The following PHF21B variants were observed in gnomAD, a reference collection of about 807,000 sequenced individuals.
The protein encoded by PHF21B is PHD finger protein 21B.
Under a neutral mutation model 62.2 loss-of-function variants are expected in PHF21B, and 22 were observed. The observed-to-expected ratio is 0.35, with a 90% CI of 0.25 to 0.51. PHF21B has a LOEUF of 0.51. PHF21B is among the 20% of genes least tolerant of loss of function. The pLI, the probability that PHF21B is intolerant of heterozygous loss-of-function variation, is 0.97. For missense variants in PHF21B, 701 were observed against 707.9 expected (o/e 0.99, Z 0.11); for synonymous variants, 341 against 314.7 (o/e 1.08, Z -0.88).
intron 2 of PHF21B, among the ~76,000 whole-genome samples, chr22:44,944,434 C>G (rs1390953632): frequency 6.6e-6 from 1 of 152,162 alleles, no homozygotes; most frequent in Non-Finnish European, 1.5e-5. Context: ...TCTGAAGCAC[C>G]CTCTGGATTC....
chr22:44,947,878 G>A (rs1040939150), intron 2 of PHF21B, among the ~76,000 whole-genome samples: 6 of 151,506 alleles, frequency 4.0e-5, no homozygotes, highest in Non-Finnish European at 8.8e-5. Context: ...AGCGATGTGC[G>A]CAGGTCTTAA....
chr22:44,992,430 T>C (rs948960630), intron 2 of PHF21B, among the ~76,000 whole-genome samples: 1 of 152,230 alleles, frequency 6.6e-6, no homozygotes, highest in African/African-American at 2.4e-5. Flanking sequence ...CCAGCCAGTA[T>C]CCCAGGCCTG....
chr22:44,919,873 G>A (rs903634676), intron 3 of PHF21B, among the ~76,000 whole-genome samples: 4 of 152,188 alleles, frequency 2.6e-5, no homozygotes, highest in South Asian at 2.1e-4. Context: ...GAGAAGCCTC[G>A]GCCCAGGAAG....
chr22:45,008,709 C>A (rs2073372163), intron 1 of PHF21B, 99 bp from the exon 2 acceptor site: 2 of 1,059,354 alleles, frequency 1.9e-6, no homozygotes, highest in African/African-American at 1.7e-5. Context: ...GCCCCACGGG[C>A]GGGGCCGGCC....
At chr22:44,994,745 T>A (rs1008847456) in intron 2 of PHF21B, among the ~76,000 whole-genome samples, 4 of 152,110 alleles carry the variant, frequency 2.6e-5, no homozygotes, top group Admixed American at 2.6e-4. Context: ...ACCCACTTCA[T>A]CTCATCAACA....
intron 9 of PHF21B, among the ~76,000 whole-genome samples, chr22:44,888,706 G>A (rs1292682538): frequency 1.3e-5 from 2 of 152,328 alleles, no homozygotes; most frequent in African/African-American, 2.4e-5. Flanking sequence ...GGGATGGCCC[G>A]TGCCACAAGG....
chr22:44,929,921 T>G (rs1162201830), intron 2 of PHF21B, among the ~76,000 whole-genome samples: 1 of 152,114 alleles, frequency 6.6e-6, no homozygotes, highest in African/African-American at 2.4e-5. Context: ...AGCCCAGGCC[T>G]GCAGTTCCAG....
chr22:45,008,442 G>C (rs1044735637), intron 2 of PHF21B, 103 bp downstream of exon 2: 5 of 1,132,002 alleles, frequency 4.4e-6, no homozygotes, highest in Non-Finnish European at 6.0e-6. Flanking sequence ...CCCTCTGGGA[G>C]TCTGAGCGTG....
At chr22:44,943,471 A>G in intron 2 of PHF21B, among the ~76,000 whole-genome samples, 1 of 152,126 alleles carries the variant, frequency 6.6e-6, no homozygotes, top group East Asian at 1.9e-4. Context: ...GCTCTGGGAA[A>G]GGCCCCACTA....
rs2073185587 is a variant in PHF21B, at chr22:44,999,988, ACCGAG to A, written c.120+8552_120+8556del. On this transcript the variant is annotated intron_variant, in intron 2 of 12. Coordinates refer to ENST00000313237, the MANE Select transcript of PHF21B (RefSeq NM_138415.5). ...CTCGAAGATTGTTTCTTGAGTGCTC[ACCGAG>A]CACCAGGCACTCTGCTGCCTGGCTG... Among the ~76,000 whole-genome samples, 8 of 152,200 alleles carry A rather than the reference ACCGAG, an allele frequency of 5.3e-5. No homozygotes were observed. In the South Asian group the frequency reaches 1.7e-3, roughly 32 times the overall value.
At chr22:44,966,546 C>CAGG (rs2072529972) in intron 2 of PHF21B, among the ~76,000 whole-genome samples, 1 of 152,082 alleles carries the variant, frequency 6.6e-6, no homozygotes, top group Non-Finnish European at 1.5e-5. Flanking sequence ...CCTGGGCAGG[C>CAGG]AGGGAGACCA....
At chr22:44,920,526 G>A (rs1325900422) in intron 2 of PHF21B, 36 bp from the exon 3 acceptor site, 2 of 1,538,772 alleles carry the variant, frequency 1.3e-6, no homozygotes, top group Non-Finnish European at 1.8e-6. Flanking sequence ...GAGACAGGAG[G>A]AGCAGCTGAG....
chr22:44,883,886 G>A (rs1317907848), intron 12 of PHF21B, among the ~76,000 whole-genome samples: 2 of 151,668 alleles, frequency 1.3e-5, no homozygotes, highest in Non-Finnish European at 1.5e-5. Context: ...AGGATTAAAT[G>A]AGACACTGCA....
intron 2 of PHF21B, among the ~76,000 whole-genome samples, chr22:44,948,977 T>C (rs1022073646): frequency 3.3e-5 from 5 of 152,036 alleles, no homozygotes; most frequent in Non-Finnish European, 7.4e-5. Flanking sequence ...GGTTCTTTGG[T>C]GGTTGGGAAG....
At chr22:44,964,023 G>C (rs765969490) in intron 2 of PHF21B, among the ~76,000 whole-genome samples, 1 of 152,200 alleles carries the variant, frequency 6.6e-6, no homozygotes. Context: ...CCTTGGCCCC[G>C]TCCAGCTGTG....
chr22:44,978,252 G>A (rs942150665), intron 2 of PHF21B, among the ~76,000 whole-genome samples: 1 of 152,084 alleles, frequency 6.6e-6, no homozygotes, highest in Non-Finnish European at 1.5e-5. Flanking sequence ...TTCCCACCCA[G>A]CAGCACTCCT....
intron 2 of PHF21B, among the ~76,000 whole-genome samples, chr22:44,926,930 G>T (rs1352728259): frequency 6.6e-6 from 1 of 152,144 alleles, no homozygotes; most frequent in Non-Finnish European, 1.5e-5. Context: ...GCACAGCTCT[G>T]CTTCCACACG....
At chr22:44,977,564 CAAAAA>C (rs796689775) in intron 2 of PHF21B, among the ~76,000 whole-genome samples, 1,618 of 124,042 alleles carry the variant, frequency 0.013, 26 homozygotes, top group African/African-American at 0.046. Flanking sequence ...GACTGTGTCT[CAAAAA>C]AAAAAAAAAG....
chr22:44,989,634 G>T (rs1171760583), intron 2 of PHF21B: 1 of 124,590 alleles, frequency 8.0e-6, no homozygotes, highest in Non-Finnish European at 1.6e-5. Flanking sequence ...TTTTTGAGAC[G>T]AGTCTCACTC....
Sources: gnomAD v4.1 joint callset for allele counts (sites outside exome capture counted in the v4.1 genomes callset) on GRCh38, gnomAD v4.1.1 for gene constraint, MANE v1.5 for transcripts, NCBI Gene and HGNC (gene_info 2026-07-23, HGNC 2026-07-21) for gene names.